Variants in CEP63 observed in about 807,000 individuals in gnomAD.
CEP63 encodes the protein centrosomal protein of 63 kDa.
Under a neutral mutation model 89.1 loss-of-function variants are expected in CEP63, and 84 were observed. The observed-to-expected ratio is 0.94, with a 90% confidence interval of 0.79 to 1.13. The LOEUF (loss-of-function observed/expected upper bound fraction) is 1.13. Among genes scored for constraint, CEP63 ranks in the 50% most tolerant of loss-of-function variants. The probability of loss-of-function intolerance (pLI) is 0.00; values close to 1 mark genes in which losing one functional copy is unlikely to be tolerated. For missense variants in CEP63, 838 were observed against 813.3 expected (o/e 1.03, Z -0.37); for synonymous variants, 267 against 272.5 (o/e 0.98, Z 0.20).
At chr3:134,739,826 A>G in the CEP63 span, among the ~76,000 whole-genome samples, 1 of 152,092 alleles carries the variant, frequency 6.6e-6, no homozygotes, top group South Asian at 2.1e-4. Flanking sequence ...CAAAAATTGT[A>G]CAAAAAGTAC....
At chr3:134,636,713 C>A in the CEP63 span, among the ~76,000 whole-genome samples, 1 of 152,204 alleles carries the variant, frequency 6.6e-6, no homozygotes, top group African/African-American at 2.4e-5. Flanking sequence ...TTGTCTAAAG[C>A]TGCTAAGTTG....
chr3:134,555,600 A>G (rs1292002738), intron 12 of CEP63, among the ~76,000 whole-genome samples: 4 of 152,096 alleles, frequency 2.6e-5, no homozygotes, highest in Non-Finnish European at 5.9e-5. Context: ...AGAACTACAA[A>G]CCACTGCTCA....
chr3:134,699,387 A>G, the CEP63 span, among the ~76,000 whole-genome samples: 9 of 152,224 alleles, frequency 5.9e-5, no homozygotes, highest in Non-Finnish European at 1.3e-4. Flanking sequence ...AGGTGCCACC[A>G]TAGGTGGAAA....
chr3:134,574,799 G>A (rs1363281525), exon 12 of CEP63: 1 of 605,020 alleles, frequency 1.7e-6, no homozygotes, highest in Non-Finnish European at 3.0e-6. Flanking sequence ...GTAGAGATGG[G>A]GTTTTACCAT....
At chr3:134,594,468 A>G in the CEP63 span, among the ~76,000 whole-genome samples, 1 of 152,128 alleles carries the variant, frequency 6.6e-6, no homozygotes, top group Non-Finnish European at 1.5e-5. Flanking sequence ...ATCTCGGCAC[A>G]TGCTCAGGGC....
chr3:134,491,234 G>A (rs1314441503), intron 1 of CEP63, among the ~76,000 whole-genome samples: 4 of 152,170 alleles, frequency 2.6e-5, no homozygotes, highest in Non-Finnish European at 4.4e-5. Context: ...TCATCAGAGT[G>A]TATTATCAAA....
the CEP63 span, among the ~76,000 whole-genome samples, chr3:134,662,295 AAG>A: frequency 6.6e-6 from 1 of 151,566 alleles, no homozygotes; most frequent in Non-Finnish European, 1.5e-5. Context: ...AAAAAAAAAA[AAG>A]AAGGTGCTGT....
the CEP63 span, among the ~76,000 whole-genome samples, chr3:134,779,345 C>G: frequency 6.6e-6 from 1 of 152,064 alleles, no homozygotes; most frequent in African/African-American, 2.4e-5. Context: ...AAGAATACAC[C>G]ATGATTTATT....
At chr3:134,617,479 C>T in the CEP63 span, among the ~76,000 whole-genome samples, 2 of 152,062 alleles carry the variant, frequency 1.3e-5, no homozygotes, top group African/African-American at 4.8e-5. Context: ...CGTATACAAT[C>T]GATAGGATGT....
the CEP63 span, among the ~76,000 whole-genome samples, chr3:134,779,316 C>T: frequency 6.6e-6 from 1 of 152,118 alleles, no homozygotes; most frequent in African/African-American, 2.4e-5. Flanking sequence ...CAATAATTCA[C>T]TCATTTTTGC....
intron 3 of CEP63, among the ~76,000 whole-genome samples, chr3:134,515,673 A>G (rs987233725): frequency 6.6e-6 from 1 of 152,168 alleles, no homozygotes; most frequent in Non-Finnish European, 1.5e-5. Context: ...CCTTTTAGCT[A>G]TTAAATATAG....
At chr3:134,694,068 T>C in the CEP63 span, among the ~76,000 whole-genome samples, 1 of 152,218 alleles carries the variant, frequency 6.6e-6, no homozygotes, top group East Asian at 1.9e-4. Context: ...CACTGTCCTC[T>C]GGCCCCATTT....
At chr3:134,581,945 G>C (rs1412500924) in intron 10 of CEP63, among the ~76,000 whole-genome samples, 1 of 151,906 alleles carries the variant, frequency 6.6e-6, no homozygotes, top group Non-Finnish European at 1.5e-5. Context: ...AAAGTGCTGG[G>C]ATTACAGGCG....
intron 10 of CEP63, among the ~76,000 whole-genome samples, chr3:134,584,545 T>G (rs114619572): frequency 0.011 from 1,651 of 152,300 alleles, 47 homozygotes; most frequent in African/African-American, 0.038. Flanking sequence ...TCATGGCACA[T>G]AAGCTTTTTG....
chr3:134,678,023 C>T, the CEP63 span, among the ~76,000 whole-genome samples: 1 of 151,992 alleles, frequency 6.6e-6, no homozygotes, highest in African/African-American at 2.4e-5. Context: ...TCTCAGTATG[C>T]CACTCCCTGC....
chr3:134,497,425 A>G (rs1180092809), intron 2 of CEP63, among the ~76,000 whole-genome samples: 2 of 152,120 alleles, frequency 1.3e-5, no homozygotes, highest in Non-Finnish European at 2.9e-5. Flanking sequence ...AGGCTGGAGT[A>G]CAGCAGCACA....
intron 11 of CEP63, among the ~76,000 whole-genome samples, chr3:134,573,684 T>C (rs1341172059): frequency 6.6e-6 from 1 of 152,232 alleles, no homozygotes; most frequent in Non-Finnish European, 1.5e-5. Flanking sequence ...TTGGATAGTG[T>C]GATGCCTCTG....
intron 1 of CEP63, among the ~76,000 whole-genome samples, chr3:134,488,824 C>T (rs1173434281): frequency 1.3e-5 from 2 of 151,980 alleles, no homozygotes; most frequent in African/African-American, 4.8e-5. Context: ...TAGCCACCAG[C>T]CAGCAGTGGC....
chr3:134,671,342 G>T, the CEP63 span, among the ~76,000 whole-genome samples: 1 of 152,204 alleles, frequency 6.6e-6, no homozygotes, highest in Non-Finnish European at 1.5e-5. Flanking sequence ...AAAGAGGGCA[G>T]GGTGGAAGCG....
Sources: allele counts gnomAD v4.1 joint callset (sites outside exome capture counted in the v4.1 genomes callset), GRCh38; gene constraint gnomAD v4.1.1; transcripts MANE v1.5; gene names NCBI Gene and HGNC (gene_info 2026-07-23, HGNC 2026-07-21).